DACH2: variants seen among roughly 807,000 people sequenced by gnomAD.
DACH2 encodes the protein dachshund family transcription factor 2, also known as dachshund homolog 2.
Under a neutral mutation model 35.8 loss-of-function variants are expected in DACH2, and 17 were observed. The observed-to-expected ratio is 0.48, with a 90% confidence interval of 0.33 to 0.71. The LOEUF is 0.71. DACH2 is among the 30% of genes least tolerant of loss of function. The pLI is 0.02. For synonymous variants in DACH2, 195 were observed against 177.3 expected, an observed-to-expected ratio of 1.10 and a Z score of -0.79; for missense variants, 469 against 472.7, an observed-to-expected ratio of 0.99 and a Z score of 0.07.
At chrX:86,760,108 TCTC>T (rs764993572) in intron 7 of DACH2, among the ~76,000 whole-genome samples, 3 of 111,609 alleles carry the variant, frequency 2.7e-5, no homozygotes, top group Admixed American at 9.5e-5. Flanking sequence ...TAGACACTAT[TCTC>T]CTTCTGTTTT....
At chrX:86,599,864 G>A (rs1429552246) in intron 3 of DACH2, among the ~76,000 whole-genome samples, 1 of 110,624 alleles carries the variant, frequency 9.0e-6, no homozygotes, top group African/African-American at 3.3e-5. Flanking sequence ...AATCACATGG[G>A]GCAAGGATGA....
rs1484085118 is a variant in DACH2 at position 86,598,114 on chromosome X, T to C, written c.641-52922T>C. Among the ~76,000 whole-genome samples the C allele has an allele frequency of 4.5e-5, 5 of 111,106 alleles. No homozygotes were observed. The East Asian group carries it at 1.4e-3, about 32-fold the overall frequency. Reference sequence around the variant, plus strand: ...CATGGAAAAGACCTGCCCCCATGATTCAATTACCTCCCACCAGGTCCCTCC... The same window carrying C: ...CATGGAAAAGACCTGCCCCCATGATCCAATTACCTCCCACCAGGTCCCTCC... On this transcript the variant is annotated intron_variant, in intron 3 of 11. Coordinates refer to ENST00000373125, the MANE Select transcript of DACH2 (RefSeq NM_053281.3).
chrX:86,183,640 T>G (rs1330243238), intron 1 of DACH2, among the ~76,000 whole-genome samples: 1 of 111,558 alleles, frequency 9.0e-6, no homozygotes, highest in Non-Finnish European at 1.9e-5. Context: ...AATTTTCCTT[T>G]TTTGTTGTGT....
intron 1 of DACH2, among the ~76,000 whole-genome samples, chrX:86,234,505 G>T (rs1018836150): frequency 7.2e-5 from 8 of 111,195 alleles, no homozygotes; most frequent in Non-Finnish European, 1.5e-4. Context: ...GAAGTACAGA[G>T]AATTCTCATA....
intron 1 of DACH2, among the ~76,000 whole-genome samples, chrX:86,318,626 T>C (rs917215917): frequency 9.0e-6 from 1 of 111,008 alleles, no homozygotes; most frequent in Non-Finnish European, 1.9e-5. Context: ...ATTTTAATAT[T>C]ATTCTCTAAG....
chrX:86,634,868 C>A (rs906619898), intron 3 of DACH2, among the ~76,000 whole-genome samples: 10 of 111,596 alleles, frequency 9.0e-5, no homozygotes, highest in South Asian at 3.7e-4. Context: ...CTGCCCAAAG[C>A]AATCTACAGA....
intron 1 of DACH2, among the ~76,000 whole-genome samples, chrX:86,309,708 A>G (rs1202130728): frequency 8.9e-6 from 1 of 112,350 alleles, no homozygotes; most frequent in Non-Finnish European, 1.9e-5. Flanking sequence ...CTGTTGAGAT[A>G]TTCTAAAGTA....
chrX:86,297,498 C>G (rs1358381659), intron 1 of DACH2, among the ~76,000 whole-genome samples: 1 of 111,700 alleles, frequency 9.0e-6, no homozygotes, highest in African/African-American at 3.3e-5. Context: ...ATTTTAGAAG[C>G]CTTCCAAATG....
At chrX:86,715,414 C>T (rs2041325005) in intron 6 of DACH2, among the ~76,000 whole-genome samples, 1 of 111,001 alleles carries the variant, frequency 9.0e-6, no homozygotes, top group Non-Finnish European at 1.9e-5. Flanking sequence ...CCTTCTTTTT[C>T]CTCTTAGTTT....
intron 3 of DACH2, among the ~76,000 whole-genome samples, chrX:86,649,975 A>C (rs2040459356): frequency 9.0e-6 from 1 of 111,026 alleles, no homozygotes; most frequent in Non-Finnish European, 1.9e-5. Context: ...CCATGGTAGC[A>C]GTGTACCAGT....
At position 86,469,624 on chromosome X, in the gene DACH2, A is replaced by G. The variant is rs1230369477; in HGVS notation, c.528-44655A>G. Among the ~76,000 whole-genome samples, 5 of 111,150 alleles carry G rather than the reference A, an allele frequency of 4.5e-5. 1 individual carries two copies. The Admixed American group carries it at 4.8e-4, about 11-fold the overall frequency. On this transcript the variant is annotated intron_variant, in intron 2 of 11. Transcript: ENST00000373125. ...GTGATAAGTATTAGTAGTTACATGA[A>G]GACATATTTTAGTGTCTTTCATTCT...
chrX:86,542,159 C>A (rs1456595836), intron 3 of DACH2, among the ~76,000 whole-genome samples: 1 of 111,308 alleles, frequency 9.0e-6, no homozygotes. Context: ...CTCCACCAGA[C>A]AGTTAGGGAT....
chrX:86,726,002 G>A (rs1429249128), intron 6 of DACH2, among the ~76,000 whole-genome samples: 1 of 111,334 alleles, frequency 9.0e-6, no homozygotes, highest in Non-Finnish European at 1.9e-5. Context: ...TAGGCAAGCA[G>A]ACTTTTCCTT....
At chrX:86,303,541 G>A (rs1372425552) in intron 1 of DACH2, among the ~76,000 whole-genome samples, 1 of 110,656 alleles carries the variant, frequency 9.0e-6, no homozygotes, top group African/African-American at 3.3e-5. Flanking sequence ...TGACCAGTTA[G>A]TGGGGTACTG....
At chrX:86,262,695 ATTAC>A (rs1319696374) in intron 1 of DACH2, among the ~76,000 whole-genome samples, 1 of 111,956 alleles carries the variant, frequency 8.9e-6, no homozygotes, top group East Asian at 2.8e-4. Flanking sequence ...TTCTTCAGGA[ATTAC>A]TTACAGTTTA....
rs748671512 is a variant in DACH2, at chrX:86,816,046, C to T, written c.1697C>T (p.Pro566Leu). 2.5e-6 allele frequency: 3 copies of T among 1,182,245 alleles called. No individual in the cohort carries two copies. The highest frequency in any genetic ancestry group is 3.4e-6 in the Non-Finnish European group (3 of 879,490). The change falls in exon 11 of 12, where the codon CCA (proline) becomes CTA (leucine). Residue 566 changes from proline to leucine, a missense_variant. Physicochemically the swap from Pro to Leu is moderately conservative, Grantham distance 98. Around this residue, in one of 3 missense-constraint regions of DACH2, gnomAD observed 363 missense variants for 334.4 expected, o/e 1.09. Coordinates refer to ENST00000373125, the MANE Select transcript of DACH2 (RefSeq NM_053281.3). The stretch of plus-strand genomic sequence containing the variant: ...TCATTTATTTCAGATACTGGAATTC[C>T]AGATATTGAAATAGAAAACAATGGG... The part of the protein sequence containing the change: ...GLRMLKDTGI[P>L]DIEIENNGTP...
At chrX:86,386,095 C>A (rs752114462) in intron 2 of DACH2, among the ~76,000 whole-genome samples, 4 of 111,436 alleles carry the variant, frequency 3.6e-5, no homozygotes, top group South Asian at 3.7e-4. Context: ...CTTTTCTGTT[C>A]CAAAATGTAG....
intron 11 of DACH2, among the ~76,000 whole-genome samples, chrX:86,823,121 T>C (rs1416615190): frequency 9.1e-6 from 1 of 110,463 alleles, no homozygotes; most frequent in Non-Finnish European, 1.9e-5. Flanking sequence ...CTCAGCTAAC[T>C]TTGAATTTTC....
intron 2 of DACH2, among the ~76,000 whole-genome samples, chrX:86,460,540 G>A (rs1346957121): frequency 1.8e-5 from 2 of 110,711 alleles, no homozygotes; most frequent in Non-Finnish European, 3.8e-5. Flanking sequence ...ATCCTTTAGT[G>A]AGAACTTATA....
Sources: gnomAD v4.1 joint callset for allele counts (sites outside exome capture counted in the v4.1 genomes callset) on GRCh38, gnomAD v4.1.1 for gene constraint, gnomAD v4.1.1 regional missense constraint, MANE v1.5 for transcripts, NCBI Gene and HGNC (gene_info 2026-07-23, HGNC 2026-07-21) for gene names.